LHPP: variants seen among roughly 807,000 people sequenced by gnomAD.
The protein encoded by LHPP is phospholysine phosphohistidine inorganic pyrophosphate phosphatase.
Under a neutral mutation model 30.3 loss-of-function variants are expected in LHPP, and 24 were observed. That is an observed-to-expected ratio of 0.79 (90% CI 0.57 to 1.11). The LOEUF is 1.11. Among genes scored for constraint, LHPP ranks in the 50% most tolerant of loss-of-function variants. The pLI is 0.00. For synonymous variants in LHPP, 150 were observed against 157.1 expected (o/e 0.95, Z 0.34); for missense variants, 356 against 367.2 (o/e 0.97, Z 0.25).
intron 6 of LHPP, among the ~76,000 whole-genome samples, chr10:124,578,726 C>T (rs1452038677): frequency 6.6e-6 from 1 of 152,210 alleles, no homozygotes; most frequent in Non-Finnish European, 1.5e-5. Context: ...GCGTCAGAAG[C>T]TAGCAGGGGC....
intron 2 of LHPP, 130 bp from the exon 3 acceptor site, chr10:124,488,292 T>C: frequency 1.2e-6 from 1 of 806,120 alleles, no homozygotes; most frequent in Admixed American, 2.5e-5. Context: ...CCATGGCAGC[T>C]GTGATGATCA....
chr10:124,524,827 C>T (rs879910957), intron 6 of LHPP, among the ~76,000 whole-genome samples: 1 of 152,124 alleles, frequency 6.6e-6, no homozygotes, highest in Admixed American at 6.5e-5. Flanking sequence ...AGAGCAAGAC[C>T]TTGTCTCAAA....
intron 6 of LHPP, among the ~76,000 whole-genome samples, chr10:124,545,141 C>G (rs1015388517): frequency 2.0e-5 from 3 of 152,316 alleles, no homozygotes; most frequent in East Asian, 3.9e-4. Context: ...CTGCTGGCCC[C>G]GAAGCCCCTT....
At chr10:124,474,566 C>T (rs1489923998) in intron 1 of LHPP, among the ~76,000 whole-genome samples, 4 of 152,202 alleles carry the variant, frequency 2.6e-5, no homozygotes, top group African/African-American at 4.8e-5. Context: ...GATTCTCATC[C>T]CAGTTCTGTC....
At position 124,560,941 on chromosome 10, in the gene LHPP, A is replaced by G. The variant is rs1393838886; in HGVS notation, c.716+43670A>G. ...AGTGCCTTTCCCTATTCCTCCTGCC[A>G]AGTGCAATGAAAAACCCTGGACGTC... is the stretch of plus-strand genomic sequence containing the variant. On this transcript the variant is annotated intron_variant, in intron 6 of 6. Transcript: ENST00000368842. Among the ~76,000 whole-genome samples the G allele has an allele frequency of 2.0e-5, 3 of 152,290 alleles. No homozygotes were observed. The East Asian group carries it at 5.8e-4, about 29-fold the overall frequency.
rs1268213602 is a variant in LHPP, at chr10:124,517,881, A to G, written c.716+610A>G. 6.6e-6 allele frequency among the ~76,000 whole-genome samples: 1 copy of G among 152,222 alleles called. No individual in the cohort carries two copies. The highest frequency in any genetic ancestry group is 2.4e-5 in the African/African-American group (1 of 41,454). On this transcript the variant is annotated intron_variant, in intron 6 of 6. Transcript: ENST00000368842. The surrounding 1 kb of genome is among the most constrained non-coding windows in gnomAD (Gnocchi z 4.1). ...TACCCAAGCTCCAGCTCGCCTGGTC[A>G]TCGAGAGGATCTTGGACATCAGAGT...
At chr10:124,528,917 T>C (rs56129539) in intron 6 of LHPP, among the ~76,000 whole-genome samples, 79,546 of 151,948 alleles carry the variant, frequency 0.52, 21,512 homozygotes, top group South Asian at 0.68. Flanking sequence ...CTCTGCTCTG[T>C]TGGTCCCCTG....
intron 1 of LHPP, among the ~76,000 whole-genome samples, chr10:124,483,588 T>C (rs1953210098): frequency 6.6e-6 from 1 of 152,088 alleles, no homozygotes; most frequent in Non-Finnish European, 1.5e-5. Context: ...AAACCCCATC[T>C]GTACTAAAAA....
At chr10:124,561,870 A>G (rs1334463118) in intron 6 of LHPP, among the ~76,000 whole-genome samples, 1 of 152,244 alleles carries the variant, frequency 6.6e-6, no homozygotes, top group South Asian at 2.1e-4. Context: ...AACATGAATA[A>G]GAAGAGAAGA....
chr10:124,492,171 C>T (rs1213422294), intron 3 of LHPP, among the ~76,000 whole-genome samples: 3 of 152,192 alleles, frequency 2.0e-5, no homozygotes, highest in East Asian at 1.9e-4. Flanking sequence ...TGTCATTGAT[C>T]GTGTGCCATT....
intron 2 of LHPP, among the ~76,000 whole-genome samples, chr10:124,488,052 G>T (rs1463621817): frequency 6.6e-6 from 1 of 152,128 alleles, no homozygotes; most frequent in East Asian, 1.9e-4. Context: ...GGCTTGTGCA[G>T]CCCCATTTCC....
At chr10:124,525,544 G>T (rs1487493375) in intron 6 of LHPP, among the ~76,000 whole-genome samples, 2 of 152,198 alleles carry the variant, frequency 1.3e-5, no homozygotes. Context: ...TGGCAGTCCC[G>T]GACGCTGGGC....
At position 124,496,700 on chromosome 10, in the gene LHPP, C is replaced by G. The variant is rs111814253; in HGVS notation, c.468-261C>G. On this transcript the variant is annotated intron_variant, in intron 3 of 6. Transcript: ENST00000368842. This position sits in a 1 kb window ranked among gnomAD's most constrained non-coding sequence, Gnocchi z 4.3. ...AGCAGGGTCCCCACGAGTCTGACAG[C>G]AGGGTTGCGTTCTGTGCGACCTGTG... 1.2e-4 allele frequency among the ~76,000 whole-genome samples: 19 copies of G among 152,360 alleles called. No individual in the cohort carries two copies. The highest frequency in any genetic ancestry group is 4.3e-4 in the African/African-American group (18 of 41,586).
chr10:124,597,652 C>A (rs1286575381), intron 6 of LHPP, among the ~76,000 whole-genome samples: 1 of 152,186 alleles, frequency 6.6e-6, no homozygotes, highest in African/African-American at 2.4e-5. Flanking sequence ...GGCCTCCCTG[C>A]CCCCATGTGG....
chr10:124,569,441 G>A (rs1254457340), intron 6 of LHPP, among the ~76,000 whole-genome samples: 1 of 152,164 alleles, frequency 6.6e-6, no homozygotes, highest in Non-Finnish European at 1.5e-5. Flanking sequence ...CTGCTGTCCT[G>A]GGCCAGGCGC....
intron 6 of LHPP, among the ~76,000 whole-genome samples, chr10:124,579,811 C>T (rs1459956187): frequency 2.6e-5 from 4 of 152,180 alleles, no homozygotes; most frequent in African/African-American, 7.2e-5. Flanking sequence ...CTGGAGCAAA[C>T]ATGTATGTTC....
At chr10:124,479,071 A>AG (rs113695926) in intron 1 of LHPP, among the ~76,000 whole-genome samples, 1,182 of 53,694 alleles carry the variant, frequency 0.022, 13 homozygotes, top group African/African-American at 0.08. Context: ...TCTGTCTCAA[A>AG]AAAAAAAAAA....
intron 1 of LHPP, among the ~76,000 whole-genome samples, chr10:124,475,753 A>G (rs1024739189): frequency 6.6e-6 from 1 of 152,046 alleles, no homozygotes; most frequent in Non-Finnish European, 1.5e-5. Flanking sequence ...TGCAGCCACC[A>G]TGGCCCTCAG....
chr10:124,588,144 C>T (rs536983481), intron 6 of LHPP, among the ~76,000 whole-genome samples: 84 of 152,328 alleles, frequency 5.5e-4, no homozygotes, highest in African/African-American at 1.7e-3. Flanking sequence ...TGCTGAGGCC[C>T]GGGGGCTTCA....
Sources: allele counts gnomAD v4.1 joint callset (sites outside exome capture counted in the v4.1 genomes callset), GRCh38; gene constraint gnomAD v4.1.1; non-coding constraint Gnocchi (gnomAD v3.1); transcripts MANE v1.5; gene names NCBI Gene and HGNC (gene_info 2026-07-23, HGNC 2026-07-21).